The following DUOX1 variants were observed in gnomAD, a reference collection of about 807,000 sequenced individuals.
The protein encoded by DUOX1 is dual oxidase 1.
Under a neutral mutation model 181.8 loss-of-function variants are expected in DUOX1, and 134 were observed. That is an observed-to-expected ratio of 0.74 (90% CI 0.64 to 0.85). The LOEUF is 0.85. DUOX1 is among the 40% of genes least tolerant of loss of function. The pLI, the probability that DUOX1 is intolerant of heterozygous loss-of-function variation, is 0.00. For missense variants in DUOX1, 1,814 were observed against 2,064.4 expected, an observed-to-expected ratio of 0.88 and a Z score of 2.35; for synonymous variants, 798 against 832.5, an observed-to-expected ratio of 0.96 and a Z score of 0.71.
intron 10 of DUOX1, 62 bp downstream of exon 10, chr15:45,138,076 GTA>G (rs1595578388): frequency 3.5e-5 from 38 of 1,097,478 alleles, no homozygotes; most frequent in Admixed American, 1.8e-4. Flanking sequence ...GTGTGTGTGT[GTA>G]TGTGTGTGTG....
intron 18 of DUOX1, among the ~76,000 whole-genome samples, chr15:45,145,632 A>G (rs1377304322): frequency 6.6e-6 from 1 of 152,060 alleles, no homozygotes; most frequent in Non-Finnish European, 1.5e-5. Flanking sequence ...AAAGATAAAT[A>G]TGGTCAGGTG....
chr15:45,154,260 A>G (rs76500954), intron 27 of DUOX1, among the ~76,000 whole-genome samples: 12 of 152,150 alleles, frequency 7.9e-5, no homozygotes, highest in African/African-American at 2.9e-4. Flanking sequence ...GAGGAGAAAT[A>G]TCTCCTACTA....
chr15:45,133,740 C>A, intron 2 of DUOX1, 124 bp from the exon 3 acceptor site: 1 of 788,522 alleles, frequency 1.3e-6, no homozygotes, highest in Non-Finnish European at 2.1e-6. Context: ...CCTCTCACAT[C>A]CACTTCAGGT....
At chr15:45,138,248 C>T (rs1429371703) in intron 10 of DUOX1, among the ~76,000 whole-genome samples, 1 of 152,146 alleles carries the variant, frequency 6.6e-6, no homozygotes, top group African/African-American at 2.4e-5. Flanking sequence ...AAAGCCAACC[C>T]ACCACCCCAA....
In DUOX1 at chr15:45,132,022, T is replaced by C; in HGVS notation, c.56T>C (p.Leu19Pro). ...CTTCTGGTTGGGGCATGGACCCCTC[T>C]GGGTGAGTACAGATTGGAGGAGAAG... ...WTLLVGAWTP[L>P]GAQNPISWEV... is the part of the protein sequence containing the mutation. Residue 19 changes from leucine to proline, a missense_variant and splice_region_variant, in exon 2 of 34, where the codon CTG becomes CCG. Leu to Pro is a moderately conservative substitution (Grantham distance 98). Around this residue, in one of 5 missense-constraint regions of DUOX1, gnomAD observed 320 missense variants for 313.1 expected, o/e 1.02. Transcript: ENST00000389037. 6.2e-7 allele frequency: 1 copy of C among 1,611,086 alleles called. No homozygotes were observed. The highest frequency in any genetic ancestry group is 8.5e-7 in the Non-Finnish European group (1 of 1,179,032).
rs958954606 is a variant in DUOX1, at chr15:45,148,167, C to T, written c.2643-105C>T. The T allele has an allele frequency of 3.2e-6, 5 of 1,559,222 alleles. No individual in the cohort carries two copies. The African/African-American group carries it at 6.8e-5, about 21-fold the overall frequency. ...GGCTTGGGATGTGGCCAGTCGGGGC[C>T]CCTCCACATGGGCACAGAGAACTTG... is the stretch of plus-strand genomic sequence containing the variant. On this transcript the variant is annotated intron_variant, in intron 20 of 33. Coordinates refer to ENST00000389037, the MANE Select transcript of DUOX1 (RefSeq NM_175940.3).
intron 17 of DUOX1, 24 bp from the exon 18 acceptor site, chr15:45,144,871 C>CT: frequency 1.3e-6 from 2 of 1,580,458 alleles, no homozygotes; most frequent in Non-Finnish European, 1.7e-6. Context: ...CAAATGGTTG[C>CT]TTTTGCTCGG....
chr15:45,132,037 TGGA>T lies in DUOX1; in HGVS notation c.58+18_58+20del, dbSNP rs767659973. The stretch of plus-strand genomic sequence containing the variant: ...TGGACCCCTCTGGGTGAGTACAGAT[TGGA>T]GGAGAAGCATGGTTAGGAGCAGAGG... On this transcript the variant is annotated intron_variant, in intron 2 of 33. Transcript: ENST00000389037. The T allele has an allele frequency of 6.3e-6, 10 of 1,594,522 alleles. No homozygotes were observed. Among genetic ancestry groups the T allele is most frequent in the Non-Finnish European group, 8.5e-6 (10 of 1,173,622 alleles).
At chr15:45,151,333 G>A in intron 23 of DUOX1, 85 bp downstream of exon 23, 1 of 1,534,368 alleles carries the variant, frequency 6.5e-7, no homozygotes, top group Admixed American at 1.9e-5. Flanking sequence ...CAGGCACTGT[G>A]CTAAACATTG....
chr15:45,154,073 A>C, intron 27 of DUOX1, 73 bp downstream of exon 27: 1 of 1,407,886 alleles, frequency 7.1e-7, no homozygotes, highest in Non-Finnish European at 1.0e-6. Flanking sequence ...TCTGCACCCC[A>C]GAGCAACCCA....
rs1461270052 is a variant in DUOX1 at position 45,142,811 on chromosome 15, G to GGA, written c.1823-379_1823-378insGA. On this transcript the variant is annotated intron_variant, in intron 15 of 33. Coordinates refer to ENST00000389037, the MANE Select transcript of DUOX1 (RefSeq NM_175940.3). ...AGGGAGGGAGGAAGGGAGGGAGGAA[G>GGA]AGCAGGCTGGGGCAGACATAGTCGC... Among the ~76,000 whole-genome samples, 14 of 151,056 alleles carry GGA rather than the reference G, an allele frequency of 9.3e-5. 1 individual carries two copies. The highest frequency in any genetic ancestry group is 2.1e-4 in the South Asian group (1 of 4,740).
At chr15:45,157,727 G>A (rs1313422814) in intron 28 of DUOX1, among the ~76,000 whole-genome samples, 11 of 151,698 alleles carry the variant, frequency 7.3e-5, no homozygotes, top group African/African-American at 2.4e-4. Flanking sequence ...GCTGAGGCAT[G>A]AGAATCGCTT....
intron 33 of DUOX1, 61 bp downstream of exon 33, chr15:45,163,979 C>G (rs1375535005): frequency 1.3e-6 from 2 of 1,576,968 alleles, no homozygotes; most frequent in Non-Finnish European, 1.7e-6. Flanking sequence ...GAGCAAAGCT[C>G]CCAAACCTTC....
chr15:45,164,822 C>T lies in DUOX1; in HGVS notation c.4577C>T (p.Thr1526Ile). The change falls in exon 34 of 34, where the codon ACC becomes ATC. Residue 1526 changes from threonine to isoleucine, a missense_variant. Physicochemically the swap from Thr to Ile is moderately conservative, Grantham distance 89 (BLOSUM62 -1). Around this residue, in one of 5 missense-constraint regions of DUOX1, gnomAD observed 124 missense variants for 125.7 expected, o/e 0.99. Coordinates refer to ENST00000389037, the MANE Select transcript of DUOX1 (RefSeq NM_175940.3). Reference protein sequence around the residue: ...GVFSCGPPGMTKNVEKACQLI... With the variant: ...GVFSCGPPGMIKNVEKACQLI... ...TTTAGCTGTGGCCCCCCTGGCATGA[C>T]CAAGAATGTGGAAAAGGCCTGTCAG... 6.2e-7 allele frequency: 1 copy of T among 1,614,120 alleles called. No individual in the cohort carries two copies. Among genetic ancestry groups the T allele is most frequent in the Non-Finnish European group, 8.5e-7 (1 of 1,179,992 alleles).
At chr15:45,152,231 C>T in intron 24 of DUOX1, 55 bp from the exon 25 acceptor site, 1 of 1,539,566 alleles carries the variant, frequency 6.5e-7, no homozygotes, top group Non-Finnish European at 8.8e-7. Flanking sequence ...CGCCCCTAAC[C>T]AGCTCTCTGT....
chr15:45,131,028 G>A (rs1896120888), intron 1 of DUOX1, among the ~76,000 whole-genome samples: 1 of 152,198 alleles, frequency 6.6e-6, no homozygotes, highest in South Asian at 2.1e-4. Flanking sequence ...ATAGGAGATG[G>A]AGTAGGGATG....
At chr15:45,149,237 A>G (rs1896744634) in intron 21 of DUOX1, among the ~76,000 whole-genome samples, 1 of 152,226 alleles carries the variant, frequency 6.6e-6, no homozygotes, top group South Asian at 2.1e-4. Context: ...GGGGCAAGTT[A>G]GATAAGACAC....
chr15:45,152,519 AGGGCCTGGGTG>A lies in DUOX1; in HGVS notation c.3424+4_3424+14del. ...CTCCACCGCCATCGTCCTCACAGGC[AGGGCCTGGGTG>A]TCCCTGGGAGGCTCTCCAGGGCCTC... is the stretch of plus-strand genomic sequence containing the variant. On this transcript the variant is annotated splice_donor_5th_base_variant and intron_variant, in intron 25 of 33. Transcript: ENST00000389037. 1 of 1,613,572 alleles carries A rather than the reference AGGGCCTGGGTG, an allele frequency of 6.2e-7. No individual in the cohort carries two copies. Among genetic ancestry groups the A allele is most frequent in the Admixed American group, 1.7e-5 (1 of 60,002 alleles).
intron 18 of DUOX1, 50 bp from the exon 19 acceptor site, chr15:45,147,383 T>G: frequency 6.3e-7 from 1 of 1,582,896 alleles, no homozygotes; most frequent in Non-Finnish European, 8.6e-7. Flanking sequence ...GAACTTCAAG[T>G]CAAGGAAGCC....
Sources: allele counts gnomAD v4.1 joint callset (sites outside exome capture counted in the v4.1 genomes callset), GRCh38; gene constraint gnomAD v4.1.1; regional missense constraint gnomAD v4.1.1; transcripts MANE v1.5; gene names NCBI Gene and HGNC (gene_info 2026-07-23, HGNC 2026-07-21).